MUSK: variants seen among roughly 807,000 people sequenced by gnomAD.
MUSK encodes muscle, skeletal receptor tyrosine-protein kinase.
MUSK carries 55 observed loss-of-function variants against 88.7 expected under a neutral mutation model. The ratio of observed to expected loss-of-function variants is 0.62; its 90% confidence interval spans 0.50 to 0.78. The LOEUF is 0.78. Among genes scored for constraint, MUSK ranks in the 30% least tolerant of loss-of-function variants. The pLI, the probability that MUSK is intolerant of heterozygous loss-of-function variation, is 0.00. For missense variants in MUSK, 1,015 were observed against 1,074.3 expected, an observed-to-expected ratio of 0.94 and a Z score of 0.77; for synonymous variants, 387 against 391.9, an observed-to-expected ratio of 0.99 and a Z score of 0.15.
In MUSK at chr9:110,784,845, G is replaced by T. The variant is rs1253803059; in HGVS notation, c.1415G>T (p.Ser472Ile). ...CCACCAATGACGTCCTCAAAGCCAA[G>T]TGTGGACATTCCAAATCTGCCTTCC... Reference protein sequence around the residue: ...TFPPMTSSKPSVDIPNLPSSS... With the variant: ...TFPPMTSSKPIVDIPNLPSSS... Residue 472 changes from serine (S) to isoleucine (I), a missense_variant, in exon 12 of 15, where the codon AGT becomes ATT. Ser to Ile is a moderately radical substitution (Grantham distance 142). Transcript: ENST00000374448. The T allele has an allele frequency of 1.2e-6, 2 of 1,613,578 alleles. No individual in the cohort carries two copies. The highest frequency in any genetic ancestry group is 2.2e-5 in the East Asian group (1 of 44,880).
intron 3 of MUSK, among the ~76,000 whole-genome samples, chr9:110,689,141 CTA>C (rs977647868): frequency 4.0e-5 from 5 of 124,572 alleles, no homozygotes; most frequent in Non-Finnish European, 7.9e-5. Context: ...CATAAATAAA[CTA>C]TATATTTATA....
chr9:110,784,762 A>T (rs2077824451), intron 11 of MUSK, 53 bp from the exon 12 acceptor site: 1 of 1,417,390 alleles, frequency 7.1e-7, no homozygotes, highest in Admixed American at 2.1e-5. Flanking sequence ...AAATACAAAA[A>T]ATTGCTTCTT....
chr9:110,680,689 T>C (rs981724311), intron 1 of MUSK, among the ~76,000 whole-genome samples: 1 of 151,732 alleles, frequency 6.6e-6, no homozygotes, highest in Non-Finnish European at 1.5e-5. Flanking sequence ...CCCAGCTGTA[T>C]TTCTTTTTTA....
At chr9:110,744,132 T>C (rs1340970955) in intron 6 of MUSK, among the ~76,000 whole-genome samples, 1 of 152,150 alleles carries the variant, frequency 6.6e-6, no homozygotes, top group African/African-American at 2.4e-5. Context: ...CAAGCCCAGC[T>C]AACTTTTTGT....
chr9:110,691,626 C>G (rs2076356931), intron 3 of MUSK, among the ~76,000 whole-genome samples: 1 of 152,158 alleles, frequency 6.6e-6, no homozygotes, highest in African/African-American at 2.4e-5. Flanking sequence ...TGCAAACTGT[C>G]AATCTTACAA....
At position 110,790,173 on chromosome 9, in the gene MUSK, G is replaced by A. The variant is rs187363961; in HGVS notation, c.1927+2335G>A. 9.2e-5 allele frequency among the ~76,000 whole-genome samples: 14 copies of A among 152,324 alleles called. No individual in the cohort carries two copies. In the East Asian group the frequency reaches 2.3e-3, roughly 25 times the overall value. On this transcript the variant is annotated intron_variant, in intron 14 of 14. Transcript: ENST00000374448. Reference sequence around the variant, plus strand: ...AAAGTGAGCATGTCATATGCATTAAGTCAAGTGAGAGGAGGACTATAAAGT... The same window carrying A: ...AAAGTGAGCATGTCATATGCATTAAATCAAGTGAGAGGAGGACTATAAAGT...
intron 5 of MUSK, among the ~76,000 whole-genome samples, chr9:110,703,746 T>C (rs2076560895): frequency 6.6e-6 from 1 of 151,958 alleles, no homozygotes; most frequent in African/African-American, 2.4e-5. Flanking sequence ...AAAGATGAAA[T>C]TGAATTTAAG....
intron 7 of MUSK, among the ~76,000 whole-genome samples, chr9:110,756,456 C>T (rs2077325734): frequency 6.6e-6 from 1 of 151,824 alleles, no homozygotes; most frequent in African/African-American, 2.4e-5. Flanking sequence ...ATGTCCCTAC[C>T]ATCCCAATGG....
At chr9:110,693,727 G>A (rs1418719371) in intron 3 of MUSK, among the ~76,000 whole-genome samples, 4 of 152,086 alleles carry the variant, frequency 2.6e-5, no homozygotes, top group Non-Finnish European at 5.9e-5. Flanking sequence ...GAGAAGATAG[G>A]AGATTTTTGC....
intron 13 of MUSK, 33 bp from the exon 14 acceptor site, chr9:110,787,657 T>C (rs546216056): frequency 6.2e-7 from 1 of 1,606,292 alleles, no homozygotes; most frequent in African/African-American, 1.3e-5. Flanking sequence ...GTCCATGATC[T>C]TTGGTTTCTT....
At chr9:110,713,720 G>A (rs1188242689) in intron 5 of MUSK, among the ~76,000 whole-genome samples, 1 of 152,088 alleles carries the variant, frequency 6.6e-6, no homozygotes, top group Non-Finnish European at 1.5e-5. Flanking sequence ...GGGATACTGT[G>A]GTATGATTTA....
intron 2 of MUSK, among the ~76,000 whole-genome samples, chr9:110,683,119 C>T (rs1175247120): frequency 6.6e-6 from 1 of 152,012 alleles, no homozygotes; most frequent in African/African-American, 2.4e-5. Context: ...CCTACTCCCC[C>T]CGATCCCTGT....
At chr9:110,748,069 C>T in intron 7 of MUSK, 1 of 597,308 alleles carries the variant, frequency 1.7e-6, no homozygotes, top group Non-Finnish European at 3.1e-6. Flanking sequence ...TCTTGTTTTT[C>T]TTATCTTTTT....
intron 1 of MUSK, among the ~76,000 whole-genome samples, chr9:110,673,204 C>T (rs1012011628): frequency 3.9e-5 from 6 of 152,160 alleles, no homozygotes; most frequent in African/African-American, 1.4e-4. Context: ...TGATGTACAT[C>T]TTCTCTTATC....
chr9:110,713,489 G>T (rs1313669727), intron 5 of MUSK, among the ~76,000 whole-genome samples: 1 of 151,970 alleles, frequency 6.6e-6, no homozygotes, highest in African/African-American at 2.4e-5. Flanking sequence ...CAAGCTCCTG[G>T]CCTCAAGTGA....
chr9:110,705,227 C>T (rs181719877), intron 5 of MUSK, among the ~76,000 whole-genome samples: 31 of 152,256 alleles, frequency 2.0e-4, no homozygotes, highest in African/African-American at 6.0e-4. Flanking sequence ...CCATTGATCT[C>T]CAAGACAAAC....
At position 110,802,198 on chromosome 9, in the gene MUSK, A is replaced by C. The variant is rs1198686278; in HGVS notation, c.*1210A>C. On this transcript the variant is annotated 3_prime_UTR_variant, in exon 15 of 15. Coordinates refer to ENST00000374448, the MANE Select transcript of MUSK (RefSeq NM_005592.4). Reference sequence around the variant, plus strand: ...TTAACAACTTTGTGCATGACATATTAACTGATTTTGTTGTATTTCATGATT... The same window carrying C: ...TTAACAACTTTGTGCATGACATATTCACTGATTTTGTTGTATTTCATGATT... Among the ~76,000 whole-genome samples, 1 of 152,134 alleles carries C rather than the reference A, an allele frequency of 6.6e-6. No individual in the cohort carries two copies. Among genetic ancestry groups the C allele is most frequent in the Non-Finnish European group, 1.5e-5 (1 of 68,018 alleles).
chr9:110,724,630 G>T (rs942970982), intron 5 of MUSK, among the ~76,000 whole-genome samples: 3 of 151,888 alleles, frequency 2.0e-5, no homozygotes, highest in African/African-American at 7.3e-5. Flanking sequence ...TTATAGAATT[G>T]GAACTCAGCA....
chr9:110,761,937 T>C (rs1453319111), intron 7 of MUSK: 1 of 984,744 alleles, frequency 1.0e-6, no homozygotes, highest in Non-Finnish European at 1.2e-6. Flanking sequence ...TGAGCTTAGA[T>C]ATTGCCTTGG....
Sources: gnomAD v4.1 joint callset for allele counts (sites outside exome capture counted in the v4.1 genomes callset) on GRCh38, gnomAD v4.1.1 for gene constraint, MANE v1.5 for transcripts, NCBI Gene and HGNC (gene_info 2026-07-23, HGNC 2026-07-21) for gene names.